EIF2AK4: variants seen among roughly 807,000 people sequenced by gnomAD.
EIF2AK4 encodes eIF-2-alpha kinase GCN2.
Under a neutral mutation model 211.1 loss-of-function variants are expected in EIF2AK4, and 139 were observed. The observed-to-expected ratio is 0.66, with a 90% CI of 0.57 to 0.76. The LOEUF is 0.76. EIF2AK4 is among the 30% of genes least tolerant of loss of function. The probability of loss-of-function intolerance (pLI) is 0.00; values close to 1 mark genes in which losing one functional copy is unlikely to be tolerated. For missense variants in EIF2AK4, 1,664 were observed against 2,043.8 expected, an observed-to-expected ratio of 0.81 and a Z score of 3.58; for synonymous variants, 710 against 751.3, an observed-to-expected ratio of 0.94 and a Z score of 0.90.
intron 6 of EIF2AK4, 97 bp from the exon 7 acceptor site, chr15:39,961,687 A>G: frequency 1.1e-6 from 1 of 916,220 alleles, no homozygotes; most frequent in Non-Finnish European, 1.7e-6. Flanking sequence ...ATGGAGGGGC[A>G]TTCTTGCCTA....
intron 35 of EIF2AK4, 78 bp downstream of exon 35, chr15:40,030,534 G>C: frequency 7.3e-7 from 1 of 1,374,644 alleles, no homozygotes. Context: ...AGGAAAATAA[G>C]ATAAACATGG....
chr15:39,934,387 C>T (rs1033439291), intron 1 of EIF2AK4, 48 bp downstream of exon 1: 2 of 1,558,102 alleles, frequency 1.3e-6, no homozygotes, highest in Non-Finnish European at 1.7e-6. Flanking sequence ...CTGGCCTCCC[C>T]GGGCCCTGGG....
At chr15:39,995,101 C>A (rs923509709) in intron 18 of EIF2AK4, among the ~76,000 whole-genome samples, 1 of 152,140 alleles carries the variant, frequency 6.6e-6, no homozygotes, top group African/African-American at 2.4e-5. Context: ...CTCAGCCTCC[C>A]AAAGTGCTGG....
chr15:40,030,436 A>G lies in EIF2AK4; in HGVS notation c.4639A>G (p.Arg1547Gly). ...LAPEKLSAST[R>G]RRYETQVQTR... is the part of the protein sequence containing the mutation. Reference sequence around the variant, plus strand: ...CCCGGAGAAGCTGTCAGCCAGCACTAGGAGGCGCTATGAAACTCAGGTACA... The same window carrying G: ...CCCGGAGAAGCTGTCAGCCAGCACTGGGAGGCGCTATGAAACTCAGGTACA... Residue 1547 changes from arginine to glycine, a missense_variant, in exon 35 of 39, where the codon AGG (arginine) becomes GGG (glycine). Physicochemically the swap from Arg to Gly is moderately radical, Grantham distance 125 (BLOSUM62 -2). Around this residue, in one of 7 missense-constraint regions of EIF2AK4, gnomAD observed 138 missense variants for 165.1 expected, o/e 0.84. Coordinates refer to ENST00000263791, the MANE Select transcript of EIF2AK4 (RefSeq NM_001013703.4). 6.2e-7 allele frequency: 1 copy of G among 1,614,062 alleles called. No homozygotes were observed. The highest frequency in any genetic ancestry group is 8.5e-7 in the Non-Finnish European group (1 of 1,179,990).
chr15:39,941,683 C>A (rs1295830326), intron 2 of EIF2AK4, among the ~76,000 whole-genome samples: 1 of 152,274 alleles, frequency 6.6e-6, no homozygotes, highest in South Asian at 2.1e-4. Context: ...CTTGGCACTA[C>A]TGACATGTGG....
At chr15:40,031,729 T>A (rs796563370) in intron 35 of EIF2AK4, among the ~76,000 whole-genome samples, 5 of 146,484 alleles carry the variant, frequency 3.4e-5, no homozygotes, top group African/African-American at 9.9e-5. Context: ...AGAGCAAATC[T>A]TCTTTTTTTT....
chr15:39,954,222 G>T (rs143462246), intron 5 of EIF2AK4, among the ~76,000 whole-genome samples: 79 of 152,302 alleles, frequency 5.2e-4, no homozygotes, highest in African/African-American at 1.9e-3. Flanking sequence ...AGGGAGGGAA[G>T]AGATTGCGTC....
At chr15:39,982,010 C>T (rs571804307) in intron 13 of EIF2AK4, among the ~76,000 whole-genome samples, 3 of 151,204 alleles carry the variant, frequency 2.0e-5, no homozygotes, top group South Asian at 2.1e-4. Context: ...CTGCAAGCTC[C>T]GCCTCCTGGG....
intron 2 of EIF2AK4, among the ~76,000 whole-genome samples, chr15:39,940,883 T>C (rs1020980612): frequency 3.3e-5 from 5 of 152,194 alleles, no homozygotes; most frequent in Admixed American, 6.5e-5. Context: ...CCAGTATTTA[T>C]AACTGGCTAT....
At chr15:39,971,169 G>A (rs2034619043) in intron 9 of EIF2AK4, among the ~76,000 whole-genome samples, 1 of 152,174 alleles carries the variant, frequency 6.6e-6, no homozygotes, top group African/African-American at 2.4e-5. Flanking sequence ...AGTATCTCTT[G>A]AGTCCAGGAG....
intron 21 of EIF2AK4, 131 bp from the exon 22 acceptor site, chr15:40,002,582 G>C (rs976281044): frequency 1.5e-5 from 13 of 874,192 alleles, no homozygotes; most frequent in Non-Finnish European, 2.3e-5. Flanking sequence ...AAAGAGGGAT[G>C]GACTTGTCAA....
intron 17 of EIF2AK4, 30 bp downstream of exon 17, chr15:39,992,259 A>G: frequency 6.3e-7 from 1 of 1,577,276 alleles, no homozygotes; most frequent in Non-Finnish European, 8.6e-7. Flanking sequence ...TATTTCATCC[A>G]TGTGTTAAAG....
intron 33 of EIF2AK4, among the ~76,000 whole-genome samples, chr15:40,027,633 G>A (rs961619914): frequency 3.9e-5 from 6 of 152,190 alleles, no homozygotes; most frequent in Non-Finnish European, 7.3e-5. Context: ...GCTCACGCCT[G>A]TAATCCCAGC....
chr15:39,993,149 T>TGTCCATCCACCC (rs1566997440), intron 18 of EIF2AK4, among the ~76,000 whole-genome samples: 2 of 125,674 alleles, frequency 1.6e-5, no homozygotes, highest in African/African-American at 3.0e-5. Flanking sequence ...TCCATCCACC[T>TGTCCATCCACCC]GTCCATCCAC....
intron 13 of EIF2AK4, among the ~76,000 whole-genome samples, chr15:39,980,980 G>A (rs1207283557): frequency 6.6e-6 from 1 of 152,208 alleles, no homozygotes. Context: ...GGAGATCTGA[G>A]TATTAGCCAG....
At chr15:39,959,688 G>C (rs1036746430) in intron 6 of EIF2AK4, among the ~76,000 whole-genome samples, 4 of 152,178 alleles carry the variant, frequency 2.6e-5, no homozygotes, top group Non-Finnish European at 5.9e-5. Context: ...TGCTGAGGAG[G>C]CCAGAGCTGA....
intron 9 of EIF2AK4, among the ~76,000 whole-genome samples, chr15:39,968,369 C>A (rs17664969): frequency 0.11 from 16,348 of 152,204 alleles, 959 homozygotes; most frequent in Middle Eastern, 0.24. Flanking sequence ...GTTTCAATAC[C>A]TGTAAATCAC....
intron 37 of EIF2AK4, among the ~76,000 whole-genome samples, chr15:40,034,112 A>T (rs1173579408): frequency 1.3e-5 from 2 of 151,950 alleles, no homozygotes; most frequent in Non-Finnish European, 2.9e-5. Context: ...CAGCATTGTT[A>T]ATCAGGCTCT....
At chr15:39,989,361 A>G (rs1478149852) in intron 15 of EIF2AK4, among the ~76,000 whole-genome samples, 1 of 152,242 alleles carries the variant, frequency 6.6e-6, no homozygotes, top group East Asian at 1.9e-4. Flanking sequence ...TATACTGAGA[A>G]GCAAGGGCTG....
Sources: allele counts gnomAD v4.1 joint callset (sites outside exome capture counted in the v4.1 genomes callset), GRCh38; gene constraint gnomAD v4.1.1; regional missense constraint gnomAD v4.1.1; transcripts MANE v1.5; gene names NCBI Gene and HGNC (gene_info 2026-07-23, HGNC 2026-07-21).